The following FAF1 variants were observed in gnomAD, a reference collection of about 807,000 sequenced individuals.
The protein encoded by FAF1 is Fas associated factor 1, also known as FAS-associated factor 1.
A neutral mutation model predicts 92.5 loss-of-function variants in FAF1; 25 were observed. The ratio of observed to expected loss-of-function variants is 0.27; its 90% confidence interval spans 0.20 to 0.38. The LOEUF (loss-of-function observed/expected upper bound fraction) is 0.38, where lower values mean the gene tolerates loss of function less well. FAF1 is among the 10% of genes least tolerant of loss of function. FAF1 has a pLI of 1.00. For synonymous variants in FAF1, 234 were observed against 273.2 expected (o/e 0.86, Z 1.42); for missense variants, 636 against 793.3 (o/e 0.80, Z 2.38).
chr1:50,494,924 T>C (rs149038573), intron 15 of FAF1, among the ~76,000 whole-genome samples: 123 of 152,312 alleles, frequency 8.1e-4, no homozygotes, highest in Non-Finnish European at 1.5e-3. Flanking sequence ...CTGAGTATTA[T>C]GATGAGTTGT....
intron 9 of FAF1, among the ~76,000 whole-genome samples, chr1:50,591,570 G>A (rs968979848): frequency 1.3e-5 from 2 of 150,914 alleles, no homozygotes; most frequent in African/African-American, 4.9e-5. Context: ...TTACTCAGGA[G>A]ACTGAGGCAC....
chr1:50,881,830 C>A (rs1358871628), intron 1 of FAF1, among the ~76,000 whole-genome samples: 3 of 152,082 alleles, frequency 2.0e-5, no homozygotes, highest in Non-Finnish European at 2.9e-5. Flanking sequence ...CTAAGAAATT[C>A]TTTAATAGCT....
At chr1:50,731,943 T>A (rs1041227139) in intron 6 of FAF1, among the ~76,000 whole-genome samples, 1 of 152,190 alleles carries the variant, frequency 6.6e-6, no homozygotes, top group African/African-American at 2.4e-5. Flanking sequence ...AATATGATAG[T>A]GATTCTTTGA....
At chr1:50,490,460 G>C (rs1460961195) in intron 17 of FAF1, 128 bp downstream of exon 17, 1 of 530,150 alleles carries the variant, frequency 1.9e-6, no homozygotes, top group Non-Finnish European at 3.3e-6. Context: ...AGGAAGGAAG[G>C]AAAAAGAAAG....
At chr1:50,620,581 C>T (rs572712839) in intron 8 of FAF1, among the ~76,000 whole-genome samples, 40 of 152,276 alleles carry the variant, frequency 2.6e-4, no homozygotes, top group Admixed American at 2.4e-3. Flanking sequence ...GGTTAAGAAC[C>T]ATTGTTGGGA....
chr1:50,951,273 T>C (rs1480260384), intron 1 of FAF1, among the ~76,000 whole-genome samples: 1 of 152,234 alleles, frequency 6.6e-6, no homozygotes, highest in South Asian at 2.1e-4. Flanking sequence ...AACCAACCTA[T>C]GACCTTGTAC....
intron 1 of FAF1, among the ~76,000 whole-genome samples, chr1:50,895,074 A>C (rs555098855): frequency 7.9e-5 from 12 of 152,310 alleles, no homozygotes; most frequent in African/African-American, 2.2e-4. Context: ...AAGCAATATA[A>C]AAGATCAATG....
intron 13 of FAF1, among the ~76,000 whole-genome samples, chr1:50,543,349 G>A (rs567340066): frequency 3.2e-4 from 48 of 152,230 alleles, no homozygotes; most frequent in African/African-American, 1.1e-3. Flanking sequence ...TATACCAGGT[G>A]CTGTAAAAGG....
intron 6 of FAF1, among the ~76,000 whole-genome samples, chr1:50,731,512 G>A (rs1230376360): frequency 6.6e-6 from 1 of 151,898 alleles, no homozygotes; most frequent in African/African-American, 2.4e-5. Flanking sequence ...TGGGACTACA[G>A]GCACCTGCCA....
chr1:50,953,314 T>A (rs1239862366), intron 1 of FAF1, among the ~76,000 whole-genome samples: 1 of 152,112 alleles, frequency 6.6e-6, no homozygotes, highest in Admixed American at 6.6e-5. Flanking sequence ...CATGTTTATC[T>A]GCTGACCTTC....
At chr1:50,918,270 C>A (rs932350500) in intron 1 of FAF1, among the ~76,000 whole-genome samples, 17 of 128,694 alleles carry the variant, frequency 1.3e-4, no homozygotes, top group Non-Finnish European at 2.1e-4. Context: ...TATACATGTG[C>A]CATGCTGGTG....
intron 2 of FAF1, among the ~76,000 whole-genome samples, chr1:50,810,732 T>C (rs1156917404): frequency 6.6e-6 from 1 of 152,082 alleles, no homozygotes; most frequent in Non-Finnish European, 1.5e-5. Context: ...TCCAGCAACA[T>C]TTCAGAATAT....
chr1:50,462,226 T>C (rs1307491796), intron 18 of FAF1: 1 of 151,988 alleles, frequency 6.6e-6, no homozygotes, highest in Admixed American at 6.6e-5. Flanking sequence ...ATATGCTGAG[T>C]CCTACGAATC....
chr1:50,639,582 C>T (rs571082358), intron 8 of FAF1, among the ~76,000 whole-genome samples: 1 of 152,116 alleles, frequency 6.6e-6, no homozygotes, highest in Non-Finnish European at 1.5e-5. Flanking sequence ...TGATGCATAA[C>T]TCTTTTTGTT....
chr1:50,937,618 T>C (rs774553013), intron 1 of FAF1, among the ~76,000 whole-genome samples: 3 of 152,174 alleles, frequency 2.0e-5, no homozygotes, highest in Non-Finnish European at 4.4e-5. Context: ...ATCTGATAGA[T>C]AGTTGTATTT....
intron 8 of FAF1, among the ~76,000 whole-genome samples, chr1:50,636,136 A>G (rs1374686617): frequency 6.6e-6 from 1 of 152,182 alleles, no homozygotes; most frequent in Admixed American, 6.5e-5. Flanking sequence ...CTCATCCTAA[A>G]TCCACTAATT....
chr1:50,844,655 A>G (rs57412341), intron 2 of FAF1, among the ~76,000 whole-genome samples: 10,054 of 151,804 alleles, frequency 0.066, 409 homozygotes, highest in East Asian at 0.094. Flanking sequence ...GGGAAAAATG[A>G]ATACAAAGAA....
intron 4 of FAF1, among the ~76,000 whole-genome samples, chr1:50,777,547 A>G (rs1661007583): frequency 6.6e-6 from 1 of 152,212 alleles, no homozygotes; most frequent in Non-Finnish European, 1.5e-5. Flanking sequence ...AGGGGACCTT[A>G]AACTGGAAAA....
chr1:50,737,216 G>C (rs1659177968), intron 6 of FAF1, among the ~76,000 whole-genome samples: 1 of 152,164 alleles, frequency 6.6e-6, no homozygotes, highest in Non-Finnish European at 1.5e-5. Context: ...AATAAACACT[G>C]CATTTCAGCA....
Sources: allele counts gnomAD v4.1 joint callset (sites outside exome capture counted in the v4.1 genomes callset), GRCh38; gene constraint gnomAD v4.1.1; transcripts MANE v1.5; gene names NCBI Gene and HGNC (gene_info 2026-07-23, HGNC 2026-07-21).